Variants in RXFP1 observed in about 807,000 individuals in gnomAD.
RXFP1 encodes the protein relaxin receptor 1.
In RXFP1, 73 loss-of-function variants were observed where a neutral mutation model predicts 89.8. That is an observed-to-expected ratio of 0.81 (90% confidence interval 0.67 to 0.99). The LOEUF (loss-of-function observed/expected upper bound fraction) is 0.99, where lower values mean the gene tolerates loss of function less well. RXFP1 is among the 50% of genes least tolerant of loss of function. RXFP1 has a pLI of 0.00. For missense variants in RXFP1, 793 were observed against 895.5 expected, an observed-to-expected ratio of 0.89 and a Z score of 1.46; for synonymous variants, 277 against 305.5, an observed-to-expected ratio of 0.91 and a Z score of 0.97.
intron 8 of RXFP1, among the ~76,000 whole-genome samples, chr4:158,613,625 C>T (rs1763972710): frequency 6.6e-6 from 1 of 152,226 alleles, no homozygotes; most frequent in Non-Finnish European, 1.5e-5. Flanking sequence ...TCAGGCTCCA[C>T]TTCTAATTCT....
chr4:158,599,845 TA>T (rs1561098792), intron 4 of RXFP1, among the ~76,000 whole-genome samples: 3 of 152,192 alleles, frequency 2.0e-5, no homozygotes, highest in Non-Finnish European at 4.4e-5. Flanking sequence ...ATGTGTAAGT[TA>T]AAAAAGAAAA....
rs775164460 is a variant in RXFP1, at chr4:158,612,320, T to A, written c.638T>A (p.Ile213Asn). 6.2e-7 allele frequency: 1 copy of A among 1,612,462 alleles called. No individual in the cohort carries two copies. Among genetic ancestry groups the A allele is most frequent in the Non-Finnish European group, 8.5e-7 (1 of 1,179,148 alleles). ...LIIEDNHLSR[I>N]SPPTFYGLNS... ...ATTGAAGATAATCACCTCAGTCGAA[T>A]TTCCCCACCAACATTTTATGGACTA... Residue 213 changes from isoleucine (I) to asparagine (N), a missense_variant, in exon 8 of 18, where the codon ATT (isoleucine) becomes AAT (asparagine). Ile to Asn is a moderately radical substitution (Grantham distance 149). Coordinates refer to ENST00000307765, the MANE Select transcript of RXFP1 (RefSeq NM_021634.4).
intron 1 of RXFP1, among the ~76,000 whole-genome samples, chr4:158,534,603 T>C (rs1159770796): frequency 6.6e-6 from 1 of 152,154 alleles, no homozygotes; most frequent in Non-Finnish European, 1.5e-5. Flanking sequence ...GTAAGAGTCA[T>C]TAAATTGTTG....
At chr4:158,626,151 GATAGA>G (rs1766754690) in intron 9 of RXFP1, among the ~76,000 whole-genome samples, 2 of 151,826 alleles carry the variant, frequency 1.3e-5, no homozygotes, top group Non-Finnish European at 2.9e-5. Flanking sequence ...TAGATAGATA[GATAGA>G]TAGATAGATA....
intron 14 of RXFP1, among the ~76,000 whole-genome samples, chr4:158,644,282 G>C (rs543853195): frequency 6.6e-6 from 1 of 152,034 alleles, no homozygotes; most frequent in Non-Finnish European, 1.5e-5. Context: ...TCCTGACCTC[G>C]TGATCCACCC....
At chr4:158,597,698 G>T (rs1169240447) in intron 3 of RXFP1, among the ~76,000 whole-genome samples, 1 of 151,512 alleles carries the variant, frequency 6.6e-6, no homozygotes, top group Non-Finnish European at 1.5e-5. Flanking sequence ...TCTTAATTTA[G>T]TCTCTGTATA....
At chr4:158,587,633 T>C (rs1758553697) in intron 2 of RXFP1, among the ~76,000 whole-genome samples, 1 of 152,242 alleles carries the variant, frequency 6.6e-6, no homozygotes, top group African/African-American at 2.4e-5. Context: ...ATAAATTCTT[T>C]GGCCTAGAAA....
intron 1 of RXFP1, among the ~76,000 whole-genome samples, chr4:158,544,801 T>C (rs1197535753): frequency 1.3e-5 from 2 of 152,350 alleles, no homozygotes; most frequent in Middle Eastern, 3.4e-3. Flanking sequence ...GGCTGCATAG[T>C]ATTCCATGGT....
Position 158,646,981 on chromosome 4 carries a change from C to G in RXFP1, c.1536C>G (p.Ile512Met). The G allele has an allele frequency of 3.7e-6, 6 of 1,614,062 alleles. No homozygotes were observed. Among genetic ancestry groups the G allele is most frequent in the Non-Finnish European group, 5.1e-6 (6 of 1,179,930 alleles). The change falls in exon 16 of 18, where the codon ATC becomes ATG. Residue 512 changes from isoleucine (I) to methionine (M), a missense_variant. By Grantham distance (10) the Ile-to-Met change is conservative. Coordinates refer to ENST00000307765, the MANE Select transcript of RXFP1 (RefSeq NM_021634.4). ...LLTFLTLEKYICIVYPFRCVR... is the reference protein window; with the variant it reads ...LLTFLTLEKYMCIVYPFRCVR... ...CATTTCTGACATTGGAAAAATACAT[C>G]TGCATTGTCTATCCTTTTAGATGTG...
chr4:158,523,371 G>A (rs566688680), intron 1 of RXFP1, among the ~76,000 whole-genome samples: 1 of 152,216 alleles, frequency 6.6e-6, no homozygotes, highest in African/African-American at 2.4e-5. Flanking sequence ...GTATATAAAA[G>A]GTGTTTAGGG....
chr4:158,604,622 G>C (rs1327752990), intron 4 of RXFP1, among the ~76,000 whole-genome samples: 1 of 152,126 alleles, frequency 6.6e-6, no homozygotes, highest in African/African-American at 2.4e-5. Context: ...GGTACCAATT[G>C]ATGTTTTCCT....
chr4:158,610,696 G>A (rs1297381818), intron 6 of RXFP1: 15 of 1,289,654 alleles, frequency 1.2e-5, no homozygotes, highest in South Asian at 1.1e-4. Context: ...GTGAGCATAG[G>A]GAGCAATAGT....
Position 158,652,505 on chromosome 4 carries a change from A to C in RXFP1, c.*450A>C, listed in dbSNP as rs1261996570. On this transcript the variant is annotated 3_prime_UTR_variant, in exon 18 of 18. Transcript: ENST00000307765. ...ATCAGCAAGAATCATAGGCACTTTT[A>C]AATAAAGGTTTAAAGTTTTGGAATA... The C allele has an allele frequency of 1.3e-5, 2 of 152,858 alleles. No individual in the cohort carries two copies. Among genetic ancestry groups the C allele is most frequent in the African/African-American group, 4.8e-5 (2 of 41,472 alleles). The allele number at this position is 152,858 out of a possible 1,614,324, so 9.5% of individuals were successfully genotyped here. A position where few individuals can be genotyped will look rare whatever the true frequency, so the allele number is the denominator to read the frequency against.
intron 2 of RXFP1, among the ~76,000 whole-genome samples, chr4:158,573,547 T>C (rs923947998): frequency 1.3e-5 from 2 of 152,178 alleles, no homozygotes; most frequent in African/African-American, 4.8e-5. Flanking sequence ...GTATTTTATG[T>C]GTGGCCCAAG....
At chr4:158,622,952 G>A (rs956080874) in intron 9 of RXFP1, among the ~76,000 whole-genome samples, 1 of 152,114 alleles carries the variant, frequency 6.6e-6, no homozygotes, top group Non-Finnish European at 1.5e-5. Flanking sequence ...ATCGAAACAG[G>A]CTATATACCT....
chr4:158,647,908 C>T (rs532339573), intron 16 of RXFP1, among the ~76,000 whole-genome samples: 61 of 151,778 alleles, frequency 4.0e-4, no homozygotes, highest in African/African-American at 1.4e-3. Flanking sequence ...CCCAGCTACT[C>T]GGGAGGCTGA....
chr4:158,543,721 T>C, intron 1 of RXFP1: 12 of 974,566 alleles, frequency 1.2e-5, no homozygotes, highest in Non-Finnish European at 1.5e-5. Flanking sequence ...TCCCTAGTAC[T>C]TCCTCCTGAA....
intron 15 of RXFP1, among the ~76,000 whole-genome samples, chr4:158,645,560 T>C (rs1771362593): frequency 6.6e-6 from 1 of 152,230 alleles, no homozygotes; most frequent in Admixed American, 6.5e-5. Flanking sequence ...TCCTGATCTC[T>C]GAGCTACTAG....
At position 158,647,153 on chromosome 4, in the gene RXFP1, G is replaced by T. The variant is rs755854962; in HGVS notation, c.1708G>T (p.Asp570Tyr). 1.6e-4 allele frequency: 254 copies of T among 1,610,066 alleles called. 5 individuals carry two copies. The East Asian group carries it at 5.7e-3, about 36-fold the overall frequency. Reference sequence around the variant, plus strand: ...AGTATGCTTCCCTCTTCATTCAGAAGATACAGAAAGTATTGGAGCCCAGAT... The same window carrying T: ...AGTATGCTTCCCTCTTCATTCAGAATATACAGAAAGTATTGGAGCCCAGAT... Reference protein sequence around the residue: ...NGVCFPLHSEDTESIGAQIYS... With the variant: ...NGVCFPLHSEYTESIGAQIYS... Residue 570 changes from aspartate (D) to tyrosine (Y), a missense_variant, in exon 16 of 18, where the codon GAT (aspartate) becomes TAT (tyrosine). Asp to Tyr is a radical substitution (Grantham distance 160). Coordinates refer to ENST00000307765, the MANE Select transcript of RXFP1 (RefSeq NM_021634.4).
Sources: allele counts gnomAD v4.1 joint callset (sites outside exome capture counted in the v4.1 genomes callset), GRCh38; gene constraint gnomAD v4.1.1; transcripts MANE v1.5; gene names NCBI Gene and HGNC (gene_info 2026-07-23, HGNC 2026-07-21).